Variants in KRT6A observed in about 807,000 individuals in gnomAD.
KRT6A encodes the protein keratin 6A, also known as keratin, type II cytoskeletal 6A.
In KRT6A, 28 loss-of-function variants were observed where a neutral mutation model predicts 48.6. The ratio of observed to expected loss-of-function variants is 0.58; its 90% CI spans 0.43 to 0.79. The LOEUF (loss-of-function observed/expected upper bound fraction) is 0.79, where lower values mean the gene tolerates loss of function less well. Ranked by LOEUF, KRT6A falls within the 30% of genes least tolerant of loss-of-function variation. The probability of loss-of-function intolerance (pLI) is 0.00; values close to 1 mark genes in which losing one functional copy is unlikely to be tolerated. For synonymous variants in KRT6A, 301 were observed against 294.2 expected, an observed-to-expected ratio of 1.02 and a Z score of -0.24; for missense variants, 687 against 724.3, an observed-to-expected ratio of 0.95 and a Z score of 0.59.
chr12:52,488,691 T>TTA, intron 6 of KRT6A, 143 bp from the exon 7 acceptor site: 1 of 1,198,112 alleles, frequency 8.3e-7, no homozygotes, highest in Non-Finnish European at 1.2e-6. Context: ...ATTGTTTTTT[T>TTA]TTTTATTTTG....
chr12:52,487,754 G>T lies in KRT6A; in HGVS notation c.1661C>A (p.Thr554Asn), dbSNP rs756625699. The change falls in exon 9 of 9, where the codon ACC becomes AAC. Residue 554 changes from threonine (T) to asparagine (N), a missense_variant. Physicochemically the swap from Thr to Asn is moderately conservative, Grantham distance 65. Coordinates refer to ENST00000330722, the MANE Select transcript of KRT6A (RefSeq NM_005554.4). ...GGSSTIKYTT[T>N]SSSSRKSYKH is the part of the protein sequence containing the mutation. ...ATAGCTCTTCCTGCTGGAGGAGGAG[G>T]TGGTGGTGTACTTGATGGTGGAACT... The T allele has an allele frequency of 3.1e-6, 5 of 1,614,138 alleles. No homozygotes were observed. The South Asian group carries it at 3.3e-5, about 11-fold the overall frequency.
rs1171912811 is a variant in KRT6A at position 52,491,540 on chromosome 12, A to C, written c.737T>G (p.Val246Gly). Residue 246 changes from valine to glycine, a missense_variant, in exon 2 of 9, where the codon GTG becomes GGG. By Grantham distance (109) the Val-to-Gly change is moderately radical (BLOSUM62 -3). Around this residue, in one of 3 missense-constraint regions of KRT6A, gnomAD observed 566 missense variants for 565.3 expected, o/e 1.00. Coordinates refer to ENST00000330722, the MANE Select transcript of KRT6A (RefSeq NM_005554.4). ...DSELRGMQDL[V>G]EDFKNKYEDE... ...AACTCACTTGTTCTTGAAGTCCTCC[A>C]CCAGGTCCTGCATGCCTCTGAGCTC... 6.2e-7 allele frequency: 1 copy of C among 1,613,912 alleles called. No homozygotes were observed. Among genetic ancestry groups the C allele is most frequent in the Non-Finnish European group, 8.5e-7 (1 of 1,180,000 alleles).
rs1938249283 is a variant in KRT6A at position 52,490,912 on chromosome 12, G to A, written c.858C>T (p.Ala286=). The A allele has an allele frequency of 6.2e-7, 1 of 1,613,832 alleles. No homozygotes were observed. ...TCTCGTCTGTGAGAGTGTCTGCCTT[G>A]GCTTGCAGTTCAACCTTGTTCATGT... ...AAYMNKVELQ[A]KADTLTDEIN... The change falls in exon 4 of 9, where the codon GCC becomes GCT. Residue 286 remains alanine, a synonymous_variant. Coordinates refer to ENST00000330722, the MANE Select transcript of KRT6A (RefSeq NM_005554.4).
chr12:52,491,508 C>T lies in KRT6A; in HGVS notation c.755+14G>A, dbSNP rs1252635775. 6.2e-7 allele frequency: 1 copy of T among 1,613,780 alleles called. No homozygotes were observed. The highest frequency in any genetic ancestry group is 1.7e-5 in the Admixed American group (1 of 59,996). ...GCTGCAGGAAACTGAGTCCATTTCT[C>T]CTGTTTAACTCACTTGTTCTTGAAG... On this transcript the variant is annotated intron_variant, in intron 2 of 8. Coordinates refer to ENST00000330722, the MANE Select transcript of KRT6A (RefSeq NM_005554.4).
At chr12:52,488,219 C>T (rs1269703630) in intron 7 of KRT6A, 109 bp downstream of exon 7, 2 of 1,613,116 alleles carry the variant, frequency 1.2e-6, no homozygotes, top group African/African-American at 1.3e-5. Context: ...TTAGTTTTCT[C>T]TCAGGAAGAG....
Position 52,491,582 on chromosome 12 carries a change from C to T in KRT6A, c.695G>A (p.Arg232Gln), listed in dbSNP as rs149632009. Residue 232 changes from arginine (R) to glutamine (Q), a missense_variant, in exon 2 of 9, where the codon CGG (arginine) becomes CAG (glutamine). Transcript: ENST00000330722. ...RRQLDSIVGE[R>Q]GRLDSELRGM... ...TCTGAGCTCTGAGTCCAGGCGGCCCCGTTCCCCGACAATGCTGTCCAGCTG... is the reference window on the plus strand; with the variant it reads ...TCTGAGCTCTGAGTCCAGGCGGCCCTGTTCCCCGACAATGCTGTCCAGCTG... 506 of 1,614,146 alleles carry T rather than the reference C, an allele frequency of 3.1e-4. 1 individual carries two copies. Among genetic ancestry groups the T allele is most frequent in the Non-Finnish European group, 3.8e-4 (452 of 1,180,028 alleles).
At chr12:52,490,334 C>A (rs72482243) in intron 5 of KRT6A, 77 of 918,126 alleles carry the variant, frequency 8.4e-5, no homozygotes, top group Middle Eastern at 6.7e-4. Context: ...CAGGGTGAAG[C>A]TAAATGCAGA....
At chr12:52,488,273 C>T in intron 7 of KRT6A, 55 bp downstream of exon 7, 5 of 1,614,002 alleles carry the variant, frequency 3.1e-6, no homozygotes, top group Non-Finnish European at 4.2e-6. Flanking sequence ...GTGCTCAGTG[C>T]CAGGAACCTT....
At chr12:52,488,600 A>T (rs544231583) in intron 6 of KRT6A, 52 bp from the exon 7 acceptor site, 9 of 1,585,482 alleles carry the variant, frequency 5.7e-6, no homozygotes, top group South Asian at 3.4e-5. Context: ...TCCAGAGGAG[A>T]CTAAACCTGG....
In KRT6A at chr12:52,492,505, TG is replaced by T. The variant is rs1938285900; in HGVS notation, c.540+143del. 42 of 1,447,696 alleles carry T rather than the reference TG, an allele frequency of 2.9e-5. 1 individual carries two copies. The East Asian group carries it at 9.3e-4, about 32-fold the overall frequency. The allele number at this position is 1,447,696 out of a possible 1,614,324, so 89.7% of individuals were successfully genotyped here. Reference sequence around the variant, plus strand: ...AGTGATGCCCATCCCTGCTGCTTGCTGGGCACCAGCAGCCATCTGCACTCTC... The same window carrying T: ...AGTGATGCCCATCCCTGCTGCTTGCTGGCACCAGCAGCCATCTGCACTCTC... On this transcript the variant is annotated intron_variant, in intron 1 of 8. Transcript: ENST00000330722.
chr12:52,488,684 G>GTT (rs59471048), intron 6 of KRT6A, 136 bp from the exon 7 acceptor site: 34,395 of 1,007,006 alleles, frequency 0.034, 100 homozygotes, highest in East Asian at 0.041. Flanking sequence ...CCTATCTATT[G>GTT]TTTTTTTTTT....
At chr12:52,489,487 G>T (rs1329408998) in intron 6 of KRT6A, among the ~76,000 whole-genome samples, 1 of 152,018 alleles carries the variant, frequency 6.6e-6, no homozygotes, top group African/African-American at 2.4e-5. Context: ...CACCATGTTG[G>T]TCAGGCTTGT....
At chr12:52,490,099 G>A in intron 5 of KRT6A, 31 bp from the exon 6 acceptor site, 1 of 1,613,740 alleles carries the variant, frequency 6.2e-7, no homozygotes, top group Non-Finnish European at 8.5e-7. Flanking sequence ...GAGAGACAGT[G>A]TCTACGGGTT....
chr12:52,490,374 TC>T, intron 5 of KRT6A, 194 bp downstream of exon 5: 1 of 1,028,808 alleles, frequency 9.7e-7, no homozygotes, highest in Non-Finnish European at 1.5e-6. Context: ...ATGGTAGCTT[TC>T]CTCCTGCATT....
rs1938225706 is a variant in KRT6A, at chr12:52,489,852, G to A, written c.1203+91C>T. ...AGCCTCCTCTCCCTGGTTTTGATAA[G>A]TTCCAGGGGATTTTCCCTAATATAA... On this transcript the variant is annotated intron_variant, in intron 6 of 8. Coordinates refer to ENST00000330722, the MANE Select transcript of KRT6A (RefSeq NM_005554.4). The A allele has an allele frequency of 1.2e-5, 20 of 1,601,264 alleles. No individual in the cohort carries two copies. The South Asian group carries it at 2.2e-4, about 18-fold the overall frequency.
chr12:52,492,430 A>G lies in KRT6A; in HGVS notation c.540+219T>C, dbSNP rs151184613. On this transcript the variant is annotated intron_variant, in intron 1 of 8. Transcript: ENST00000330722. The stretch of plus-strand genomic sequence containing the variant: ...CTGTGCTTCAGGGTTATGAAAAGTT[A>G]TGGTTCTCCCTAGGCAGGAGTGAGG... Among the ~76,000 whole-genome samples the G allele has an allele frequency of 1.1e-4, 16 of 152,260 alleles. No individual in the cohort carries two copies. In the East Asian group the frequency reaches 2.9e-3, roughly 28 times the overall value.
At chr12:52,492,508 G>T in intron 1 of KRT6A, 141 bp downstream of exon 1, 1 of 1,461,446 alleles carries the variant, frequency 6.8e-7, no homozygotes, top group Non-Finnish European at 9.6e-7. Context: ...TGCTTGCTGG[G>T]CACCAGCAGC....
chr12:52,491,747 G>T lies in KRT6A; in HGVS notation c.541-11C>A. 6.2e-7 allele frequency: 1 copy of T among 1,613,078 alleles called. No individual in the cohort carries two copies. The highest frequency in any genetic ancestry group is 1.1e-5 in the South Asian group (1 of 91,052). ...CTCCAGGAACCGCACCTGAAAGAGA[G>T]ACAAGATGATCATTTTCCAGGCAAG... On this transcript the variant is annotated splice_polypyrimidine_tract_variant and intron_variant, in intron 1 of 8. Coordinates refer to ENST00000330722, the MANE Select transcript of KRT6A (RefSeq NM_005554.4).
chr12:52,493,226 G>A lies in KRT6A; in HGVS notation c.-38C>T, dbSNP rs1280105759. 7 of 1,613,850 alleles carry A rather than the reference G, an allele frequency of 4.3e-6. No individual in the cohort carries two copies. Among genetic ancestry groups the A allele is most frequent in the South Asian group, 3.3e-5 (3 of 91,054 alleles). ...TGAGAGAGCTGAGGAGAGTGTGAGA[G>A]GCTGGAGGAGAGAGGGAAGAGAAGC... On this transcript the variant is annotated 5_prime_UTR_variant, in exon 1 of 9. Coordinates refer to ENST00000330722, the MANE Select transcript of KRT6A (RefSeq NM_005554.4).
Sources: allele counts gnomAD v4.1 joint callset (sites outside exome capture counted in the v4.1 genomes callset), GRCh38; gene constraint gnomAD v4.1.1; regional missense constraint gnomAD v4.1.1; transcripts MANE v1.5; gene names NCBI Gene and HGNC (gene_info 2026-07-23, HGNC 2026-07-21).